The following DENND1A variants were observed in gnomAD, a reference collection of about 807,000 sequenced individuals.
DENND1A encodes the protein DENN domain-containing protein 1A.
In DENND1A, 51 loss-of-function variants were observed where a neutral mutation model predicts 113.7. The ratio of observed to expected loss-of-function variants is 0.45; its 90% confidence interval spans 0.36 to 0.57. The LOEUF (loss-of-function observed/expected upper bound fraction) is 0.57. Ranked by LOEUF, DENND1A falls within the 20% of genes least tolerant of loss-of-function variation. DENND1A has a pLI of 0.00. For synonymous variants in DENND1A, 565 were observed against 570.8 expected, an observed-to-expected ratio of 0.99 and a Z score of 0.14; for missense variants, 1,258 against 1,395.9, an observed-to-expected ratio of 0.90 and a Z score of 1.57.
intron 2 of DENND1A, among the ~76,000 whole-genome samples, chr9:123,817,513 A>T (rs567841644): frequency 3.4e-4 from 51 of 152,200 alleles, no homozygotes; most frequent in Non-Finnish European, 5.7e-4. Flanking sequence ...TCACAAGATA[A>T]TAACCTTAAT....
At chr9:123,538,633 TAATAA>T (rs2055985511) in intron 13 of DENND1A, among the ~76,000 whole-genome samples, 1 of 151,310 alleles carries the variant, frequency 6.6e-6, no homozygotes, top group Middle Eastern at 3.4e-3. Context: ...GGTTTGAGTT[TAATAA>T]AATAATTATT....
intron 1 of DENND1A, among the ~76,000 whole-genome samples, chr9:123,895,073 T>A (rs979273738): frequency 3.2e-4 from 48 of 151,498 alleles, no homozygotes; most frequent in Non-Finnish European, 6.3e-4. Flanking sequence ...TTTTTTTTTT[T>A]AAGAGACAGG....
chr9:123,855,123 T>C (rs1843967837), intron 2 of DENND1A, among the ~76,000 whole-genome samples: 1 of 151,396 alleles, frequency 6.6e-6, no homozygotes, highest in Non-Finnish European at 1.5e-5. Context: ...CCTTGCTTAT[T>C]TGGACATAAC....
rs546600756 is a variant in DENND1A, at chr9:123,928,599, A to AG, written c.17+1289dup. Reference sequence around the variant, plus strand: ...CGACTCTTCCATTTTCATTACCATAAGCAAACTTTTCTAGTTTCATTCAGC... The same window carrying AG: ...CGACTCTTCCATTTTCATTACCATAAGGCAAACTTTTCTAGTTTCATTCAGC... On this transcript the variant is annotated intron_variant, in intron 1 of 23. Transcript: ENST00000394215. 3,881 of 985,440 alleles carry AG rather than the reference A, an allele frequency of 3.9e-3. 11 individuals are homozygous for AG. Among genetic ancestry groups the AG allele is most frequent in the Non-Finnish European group, 4.5e-3 (3,711 of 829,928 alleles). 61.0% of individuals were successfully genotyped at this position (985,440 alleles called of 1,614,324 possible).
chr9:123,684,415 T>C (rs1399882381), intron 5 of DENND1A, among the ~76,000 whole-genome samples: 1 of 152,132 alleles, frequency 6.6e-6, no homozygotes, highest in Admixed American at 6.6e-5. Flanking sequence ...CTCTCCCTCC[T>C]AACTCGAGGT....
At chr9:123,522,559 C>G (rs2054482369) in intron 13 of DENND1A, among the ~76,000 whole-genome samples, 1 of 152,170 alleles carries the variant, frequency 6.6e-6, no homozygotes, top group Non-Finnish European at 1.5e-5. Flanking sequence ...CCTCCCTTCC[C>G]CAAAATGAAT....
chr9:123,803,983 A>T (rs1835121885), intron 2 of DENND1A, among the ~76,000 whole-genome samples: 3 of 152,330 alleles, frequency 2.0e-5, no homozygotes, highest in Admixed American at 2.0e-4. Context: ...CTACAAGCAC[A>T]ATTTCACACC....
At chr9:123,580,696 G>A (rs2058846651) in intron 12 of DENND1A, among the ~76,000 whole-genome samples, 1 of 152,240 alleles carries the variant, frequency 6.6e-6, no homozygotes, top group Admixed American at 6.5e-5. Context: ...AGGAAACAGG[G>A]ATGGGAGCCT....
At chr9:123,870,616 T>C (rs1481110083) in intron 2 of DENND1A, among the ~76,000 whole-genome samples, 5 of 152,036 alleles carry the variant, frequency 3.3e-5, no homozygotes, top group Admixed American at 2.0e-4. Flanking sequence ...TTTGTATTTT[T>C]AGTAGAGACG....
At chr9:123,854,151 A>G (rs1284821120) in intron 2 of DENND1A, among the ~76,000 whole-genome samples, 1 of 152,212 alleles carries the variant, frequency 6.6e-6, no homozygotes, top group African/African-American at 2.4e-5. Context: ...GCATTAACTC[A>G]TTTTGAGCAA....
At chr9:123,902,174 TACACACACACACACAC>T (rs9299289) in intron 1 of DENND1A, among the ~76,000 whole-genome samples, 40 of 132,156 alleles carry the variant, frequency 3.0e-4, no homozygotes, top group South Asian at 7.2e-4. Flanking sequence ...CACACACACA[TACACACACACACACAC>T]ACACACACAC....
intron 5 of DENND1A, among the ~76,000 whole-genome samples, chr9:123,744,152 G>T (rs1412879167): frequency 6.6e-6 from 1 of 152,172 alleles, no homozygotes; most frequent in Non-Finnish European, 1.5e-5. Flanking sequence ...TCATTAAAGA[G>T]AATTAAAAAC....
chr9:123,630,698 T>C (rs1247913670), intron 9 of DENND1A, among the ~76,000 whole-genome samples: 1 of 152,138 alleles, frequency 6.6e-6, no homozygotes, highest in African/African-American at 2.4e-5. Context: ...ATATACGAAA[T>C]AGAAAATTTT....
At chr9:123,826,986 T>C (rs1031074835) in intron 2 of DENND1A, among the ~76,000 whole-genome samples, 34 of 152,174 alleles carry the variant, frequency 2.2e-4, no homozygotes, top group African/African-American at 7.5e-4. Flanking sequence ...TGATTAATTA[T>C]ACAGTGTGGA....
chr9:123,430,036 T>C (rs2046019892), intron 19 of DENND1A, among the ~76,000 whole-genome samples: 1 of 151,994 alleles, frequency 6.6e-6, no homozygotes, highest in African/African-American at 2.4e-5. Flanking sequence ...GCAAAGGACA[T>C]GGACACTTCT....
chr9:123,517,047 T>C (rs1015638700), intron 13 of DENND1A, among the ~76,000 whole-genome samples: 1 of 151,618 alleles, frequency 6.6e-6, no homozygotes, highest in African/African-American at 2.4e-5. Flanking sequence ...AACTCTAAAA[T>C]TCAATGAATC....
chr9:123,549,437 G>A (rs1208574865), intron 13 of DENND1A, among the ~76,000 whole-genome samples: 1 of 152,066 alleles, frequency 6.6e-6, no homozygotes, highest in Non-Finnish European at 1.5e-5. Context: ...CCCATCAAGG[G>A]TTCTTGATTC....
intron 1 of DENND1A, chr9:123,928,851 C>A: frequency 1.0e-6 from 1 of 985,444 alleles, no homozygotes; most frequent in Non-Finnish European, 1.2e-6. Flanking sequence ...CACAAACTTT[C>A]TTGTAAGAGG....
chr9:123,927,826 G>A (rs1280735070), intron 1 of DENND1A, among the ~76,000 whole-genome samples: 1 of 152,150 alleles, frequency 6.6e-6, no homozygotes, highest in Non-Finnish European at 1.5e-5. Flanking sequence ...GCCCTGCCAG[G>A]AGGGAAAGCC....
Sources: gnomAD v4.1 joint callset for allele counts (sites outside exome capture counted in the v4.1 genomes callset) on GRCh38, gnomAD v4.1.1 for gene constraint, MANE v1.5 for transcripts, NCBI Gene and HGNC (gene_info 2026-07-23, HGNC 2026-07-21) for gene names.